Variants in SMTN observed in about 807,000 individuals in gnomAD.
SMTN encodes the protein smoothelin.
A neutral mutation model predicts 102.0 loss-of-function variants in SMTN; 58 were observed. The observed-to-expected ratio is 0.57, with a 90% CI of 0.46 to 0.71. SMTN has a LOEUF of 0.71. SMTN is among the 30% of genes least tolerant of loss of function. The pLI is 0.00. For synonymous variants in SMTN, 478 were observed against 497.9 expected, an observed-to-expected ratio of 0.96 and a Z score of 0.53; for missense variants, 1,185 against 1,241.7, an observed-to-expected ratio of 0.95 and a Z score of 0.69.
In SMTN at chr22:31,095,159, A is replaced by G. The variant is rs2043472166; in HGVS notation, c.1633-144A>G. The G allele has an allele frequency of 3.8e-6, 3 of 799,656 alleles. No homozygotes were observed. Among genetic ancestry groups the G allele is most frequent in the Admixed American group, 5.4e-5 (2 of 37,044 alleles). The allele number at this position is 799,656 out of a possible 1,614,324, so 49.5% of individuals were successfully genotyped here. On this transcript the variant is annotated intron_variant, in intron 11 of 20. Transcript: ENST00000333137. The surrounding 1 kb of genome is among the most constrained non-coding windows in gnomAD (Gnocchi z 4.1). ...TTCCCTGACTGACGCTGACATGGCC[A>G]TCTTTGGGCAGGCAGGCTGGCAGGC...
intron 1 of SMTN, chr22:31,082,468 C>A (rs978178431): frequency 8.5e-6 from 4 of 472,080 alleles, no homozygotes; most frequent in Non-Finnish European, 1.3e-5. Flanking sequence ...AAGTCTTTGG[C>A]TTCCTCCTTG....
intron 1 of SMTN, 79 bp from the exon 2 acceptor site, chr22:31,083,100 G>A (rs1446739352): frequency 6.5e-7 from 1 of 1,532,398 alleles, no homozygotes; most frequent in Non-Finnish European, 8.8e-7. Flanking sequence ...AGGTTAGAGA[G>A]GGAAAGTAAG....
intron 3 of SMTN, 31 bp downstream of exon 3, chr22:31,088,144 A>G (rs1411857191): frequency 6.4e-7 from 1 of 1,566,844 alleles, no homozygotes; most frequent in Non-Finnish European, 8.7e-7. Context: ...CATGCGGGTG[A>G]GAAGGTGAGT....
At chr22:31,085,020 G>A (rs2042574549) in intron 2 of SMTN, 1 of 1,499,380 alleles carries the variant, frequency 6.7e-7, no homozygotes, top group Non-Finnish European at 8.9e-7. Context: ...TTGGGGACGC[G>A]GGCAGTCGCT....
chr22:31,100,818 TC>T, intron 19 of SMTN, 66 bp from the exon 20 acceptor site: 1 of 782,316 alleles, frequency 1.3e-6, no homozygotes, highest in Admixed American at 2.1e-5. Flanking sequence ...TTCCCTCTCT[TC>T]CCCACCCGGG....
chr22:31,088,122 C>G lies in SMTN; in HGVS notation c.200+9C>G. 6.3e-7 allele frequency: 1 copy of G among 1,586,738 alleles called. No individual in the cohort carries two copies. Among genetic ancestry groups the G allele is most frequent in the Non-Finnish European group, 8.6e-7 (1 of 1,162,050 alleles). On this transcript the variant is annotated intron_variant, in intron 3 of 20. Transcript: ENST00000333137. ...AAGGAGAACTGGCTGCAGTGAGTAGCGGGGGGTGGAACATGCGGGTGAGAA... is the reference window on the plus strand; with the variant it reads ...AAGGAGAACTGGCTGCAGTGAGTAGGGGGGGGTGGAACATGCGGGTGAGAA...
At chr22:31,101,391 T>A (rs2044075722) in intron 20 of SMTN, 3 of 243,176 alleles carry the variant, frequency 1.2e-5, no homozygotes, top group East Asian at 8.5e-5. Flanking sequence ...GGCAGAGGAA[T>A]CAGCCTAGGC....
At chr22:31,081,207 AT>A (rs1312828639), upstream of SMTN, 4 of 151,350 alleles carry the variant, frequency 2.6e-5, no homozygotes, top group Non-Finnish European at 4.4e-5. Flanking sequence ...GTCAAATTGA[AT>A]TTTCCCAATG....
chr22:31,070,355 T>C (rs1255006020), intron 1 of SMTN, among the ~76,000 whole-genome samples: 2 of 152,148 alleles, frequency 1.3e-5, no homozygotes. Flanking sequence ...GGCCTTTCAG[T>C]CTGGGCCTTT....
chr22:31,089,035 A>C (rs116740288), intron 6 of SMTN, 66 bp downstream of exon 6: 55,225 of 1,319,692 alleles, frequency 0.042, 1,315 homozygotes, highest in Middle Eastern at 0.09. Context: ...AGAGTGCCTG[A>C]GTGTCTTTGC....
At chr22:31,072,997 TTC>T (rs199956191) in intron 1 of SMTN, among the ~76,000 whole-genome samples, 2 of 137,474 alleles carry the variant, frequency 1.5e-5, no homozygotes, top group East Asian at 2.1e-4. Context: ...CTGAAGTTGA[TTC>T]TCTCTCTCTC....
At chr22:31,075,549 C>T (rs572208078) in intron 1 of SMTN, among the ~76,000 whole-genome samples, 10 of 152,142 alleles carry the variant, frequency 6.6e-5, no homozygotes, top group East Asian at 5.8e-4. Flanking sequence ...GGCGTGGTGA[C>T]GGGCCCTTGT....
chr22:31,083,218 A>G lies in SMTN; in HGVS notation c.-41A>G. ...GTGACAGGTGCCACAGGCACTGGGG[A>G]TCTCACCAGAAAGGAACCGACGGAG... is the stretch of plus-strand genomic sequence containing the variant. On this transcript the variant is annotated 5_prime_UTR_variant, in exon 2 of 21. Coordinates refer to ENST00000333137, the MANE Select transcript of SMTN (RefSeq NM_134269.3). The G allele has an allele frequency of 6.3e-7, 1 of 1,592,752 alleles. No homozygotes were observed. Among genetic ancestry groups the G allele is most frequent in the Non-Finnish European group, 8.5e-7 (1 of 1,171,822 alleles).
intron 9 of SMTN, 37 bp from the exon 10 acceptor site, chr22:31,090,924 C>G: frequency 1.2e-6 from 2 of 1,612,982 alleles, no homozygotes; most frequent in Non-Finnish European, 1.7e-6. Context: ...CAGACCCTGT[C>G]CCACCCAGTT....
chr22:31,067,382 G>C (rs1168443953), intron 1 of SMTN: 1 of 151,482 alleles, frequency 6.6e-6, no homozygotes, highest in Non-Finnish European at 1.5e-5. Flanking sequence ...TGGGACTACA[G>C]GTGCGTGCCA....
At chr22:31,100,854 C>T (rs1486439004) in intron 19 of SMTN, 31 bp from the exon 20 acceptor site, 4 of 1,071,886 alleles carry the variant, frequency 3.7e-6, no homozygotes, top group Non-Finnish European at 2.8e-6. Context: ...CCCCCGTCCC[C>T]CACCCCTTCC....
chr22:31,088,639 A>G (rs1031278914), intron 4 of SMTN, 33 bp downstream of exon 4: 1 of 1,611,614 alleles, frequency 6.2e-7, no homozygotes. Context: ...GGATGGGGGC[A>G]GGGCAGGTGA....
chr22:31,085,190 C>T (rs1480578768), intron 2 of SMTN: 24 of 1,535,376 alleles, frequency 1.6e-5, no homozygotes, highest in African/African-American at 2.7e-5. Flanking sequence ...AGCTGGGTGT[C>T]CTGGGGACCT....
At chr22:31,084,839 C>A (rs1032366472) in intron 2 of SMTN, among the ~76,000 whole-genome samples, 5 of 152,234 alleles carry the variant, frequency 3.3e-5, no homozygotes, top group African/African-American at 1.2e-4. Context: ...GGGAGCGGCT[C>A]CTCCAGCACC....
Sources: allele counts gnomAD v4.1 joint callset (sites outside exome capture counted in the v4.1 genomes callset), GRCh38; gene constraint gnomAD v4.1.1; non-coding constraint Gnocchi (gnomAD v3.1); transcripts MANE v1.5; gene names NCBI Gene and HGNC (gene_info 2026-07-23, HGNC 2026-07-21).